The following ZNF462 variants were observed in gnomAD, a reference collection of about 807,000 sequenced individuals.
The protein encoded by ZNF462 is zinc finger PBX1-interacting protein.
Under a neutral mutation model 201.9 loss-of-function variants are expected in ZNF462, and 10 were observed. The observed-to-expected ratio is 0.05, with a 90% CI of 0.03 to 0.08. The LOEUF (loss-of-function observed/expected upper bound fraction) is 0.08. ZNF462 is among the 10% of genes least tolerant of loss of function. ZNF462 has a pLI of 1.00. For missense variants in ZNF462, 2,523 were observed against 3,168.3 expected (o/e 0.80, Z 4.89); for synonymous variants, 1,227 against 1,193.3 (o/e 1.03, Z -0.58).
Position 106,920,624 on chromosome 9 carries a change from G to A in ZNF462, c.-30-2730G>A, listed in dbSNP as rs757249916. On this transcript the variant is annotated intron_variant, in intron 1 of 12. Coordinates refer to ENST00000277225, the MANE Select transcript of ZNF462 (RefSeq NM_021224.6). The surrounding 1 kb of genome is among the most constrained non-coding windows in gnomAD (Gnocchi z 4.3). ...CATCATCTCTTCTTTTTCCAAATCA[G>A]TGACTCTTTTTCTGATCTCATAACC... Among the ~76,000 whole-genome samples, 7 of 152,170 alleles carry A rather than the reference G, an allele frequency of 4.6e-5. No homozygotes were observed. The highest frequency in any genetic ancestry group is 8.8e-5 in the Non-Finnish European group (6 of 68,034).
chr9:106,982,210 G>A (rs578240042), intron 9 of ZNF462, among the ~76,000 whole-genome samples: 2 of 152,312 alleles, frequency 1.3e-5, no homozygotes, highest in African/African-American at 4.8e-5. Flanking sequence ...GCTTAGAGCA[G>A]TGATTCTCAG....
Position 107,005,286 on chromosome 9 carries a change from C to G in ZNF462, c.7189+1860C>G, listed in dbSNP as rs998492130. On this transcript the variant is annotated intron_variant, in intron 11 of 12. Coordinates refer to ENST00000277225, the MANE Select transcript of ZNF462 (RefSeq NM_021224.6). This position sits in a 1 kb window ranked among gnomAD's most constrained non-coding sequence, Gnocchi z 4.4. ...CTACTTTTAACTGATTGAGGAACCT[C>G]CATGCTGTTTCCATAACGGGTGTAC... is the stretch of plus-strand genomic sequence containing the variant. 2.0e-5 allele frequency among the ~76,000 whole-genome samples: 3 copies of G among 152,160 alleles called. No homozygotes were observed. The highest frequency in any genetic ancestry group is 2.9e-5 in the Non-Finnish European group (2 of 68,028).
At chr9:106,869,704 G>T (rs1354235093) in intron 1 of ZNF462, among the ~76,000 whole-genome samples, 2 of 152,176 alleles carry the variant, frequency 1.3e-5, no homozygotes, top group Non-Finnish European at 2.9e-5. Context: ...GAAGAACTGG[G>T]AGAACAGGAA....
chr9:106,889,337 G>T (rs1393595399), intron 1 of ZNF462, among the ~76,000 whole-genome samples: 2 of 152,206 alleles, frequency 1.3e-5, no homozygotes, highest in African/African-American at 4.8e-5. Flanking sequence ...TCAGAGGGTT[G>T]TGATCGTTAA....
Position 106,932,557 on chromosome 9 carries a change from C to T in ZNF462, c.6116+8C>T. ...TTCTGCTTTCAGGCACAAGTAAGTG[C>T]TATTGGGGGGTCACTAGTGGTTACT... On this transcript the variant is annotated splice_region_variant and intron_variant, in intron 5 of 12. Coordinates refer to ENST00000277225, the MANE Select transcript of ZNF462 (RefSeq NM_021224.6). The surrounding 1 kb of genome is among the most constrained non-coding windows in gnomAD (Gnocchi z 6.8). 4.3e-6 allele frequency: 7 copies of T among 1,614,168 alleles called. No individual in the cohort carries two copies. The highest frequency in any genetic ancestry group is 5.9e-6 in the Non-Finnish European group (7 of 1,180,032).
In ZNF462 at chr9:106,929,162, G is replaced by A. The variant is rs1368285777; in HGVS notation, c.5250G>A (p.Lys1750=). The part of the protein sequence containing the change: ...PNKVIIPSPP[K]DDSPQLSEEL... Reference sequence around the variant, plus strand: ...AAGTGATCATCCCATCCCCGCCCAAGGACGACTCCCCTCAGCTGAGCGAGG... The same window carrying A: ...AAGTGATCATCCCATCCCCGCCCAAAGACGACTCCCCTCAGCTGAGCGAGG... Residue 1750 remains lysine, a synonymous_variant, in exon 3 of 13, where the codon AAG becomes AAA. Transcript: ENST00000277225. The surrounding 1 kb of genome is among the most constrained non-coding windows in gnomAD (Gnocchi z 8.7). 6.2e-7 allele frequency: 1 copy of A among 1,614,102 alleles called. No individual in the cohort carries two copies. The highest frequency in any genetic ancestry group is 8.5e-7 in the Non-Finnish European group (1 of 1,180,006).
chr9:106,985,206 C>A (rs925923553), intron 10 of ZNF462, among the ~76,000 whole-genome samples: 2 of 152,182 alleles, frequency 1.3e-5, no homozygotes, highest in Non-Finnish European at 2.9e-5. Flanking sequence ...CAGTTGCCAA[C>A]CCCTGTTCTG....
intron 7 of ZNF462, among the ~76,000 whole-genome samples, chr9:106,945,273 T>C (rs946645442): frequency 1.3e-5 from 2 of 152,210 alleles, no homozygotes; most frequent in Non-Finnish European, 2.9e-5. Context: ...AGGAAACCCT[T>C]CTCTAAGAAT....
chr9:106,887,751 C>T (rs1285139201), intron 1 of ZNF462, among the ~76,000 whole-genome samples: 1 of 152,096 alleles, frequency 6.6e-6, no homozygotes, highest in Non-Finnish European at 1.5e-5. Context: ...TGCGTTGCAA[C>T]ATACTAGAAT....
rs1184069469 is a variant in ZNF462, at chr9:106,927,418, C to A, written c.3506C>A (p.Pro1169Gln). 1 of 1,614,080 alleles carries A rather than the reference C, an allele frequency of 6.2e-7. No homozygotes were observed. The highest frequency in any genetic ancestry group is 1.7e-5 in the Admixed American group (1 of 60,010). ...GAAGGGCCCCAAGGCTCCCCCCGGC[C>A]ACCCGCCCCCATACAACAGCTGAAC... is the stretch of plus-strand genomic sequence containing the variant. ...GVEGPQGSPR[P>Q]PAPIQQLNRS... Residue 1169 changes from proline (P) to glutamine (Q), a missense_variant, in exon 3 of 13, where the codon CCA becomes CAA. Pro to Gln is a moderately conservative substitution (Grantham distance 76). Transcript: ENST00000277225.
In ZNF462 at chr9:106,876,711, A is replaced by G. The variant is rs533764884; in HGVS notation, c.-31+13356A>G. Among the ~76,000 whole-genome samples the G allele has an allele frequency of 2.6e-5, 4 of 152,318 alleles. No homozygotes were observed. The East Asian group carries it at 7.7e-4, about 29-fold the overall frequency. Reference sequence around the variant, plus strand: ...ATTCCCTGGAGTGTTGTAGGGGAACAATTTTTAATAAACATGAAGTTTTCT... The same window carrying G: ...ATTCCCTGGAGTGTTGTAGGGGAACGATTTTTAATAAACATGAAGTTTTCT... On this transcript the variant is annotated intron_variant, in intron 1 of 12. Coordinates refer to ENST00000277225, the MANE Select transcript of ZNF462 (RefSeq NM_021224.6). The surrounding 1 kb of genome is among the most constrained non-coding windows in gnomAD (Gnocchi z 4.9).
intron 7 of ZNF462, among the ~76,000 whole-genome samples, chr9:106,948,436 T>G (rs1201047319): frequency 6.6e-6 from 1 of 152,210 alleles, no homozygotes; most frequent in Non-Finnish European, 1.5e-5. Flanking sequence ...TCATGGGTAG[T>G]AGTCACCTTC....
At chr9:106,934,658 CATT>C (rs1338057330) in intron 5 of ZNF462, among the ~76,000 whole-genome samples, 1 of 152,156 alleles carries the variant, frequency 6.6e-6, no homozygotes. Flanking sequence ...CTCAGGACAG[CATT>C]ATATGTTGAA....
intron 1 of ZNF462, among the ~76,000 whole-genome samples, chr9:106,892,241 C>T (rs1159147818): frequency 6.6e-6 from 1 of 152,112 alleles, no homozygotes; most frequent in Non-Finnish European, 1.5e-5. Context: ...GGAATGTTCC[C>T]TCTGAGGTCC....
rs1266812061 is a variant in ZNF462 at position 107,005,153 on chromosome 9, A to G, written c.7189+1727A>G. 6.6e-6 allele frequency among the ~76,000 whole-genome samples: 1 copy of G among 152,098 alleles called. No homozygotes were observed. Among genetic ancestry groups the G allele is most frequent in the East Asian group, 1.9e-4 (1 of 5,194 alleles). ...AGCTTGATTACTTATCTTGGTTATTATGAATAACCCTGCAGTGAACGTGAG... is the reference window on the plus strand; with the variant it reads ...AGCTTGATTACTTATCTTGGTTATTGTGAATAACCCTGCAGTGAACGTGAG... On this transcript the variant is annotated intron_variant, in intron 11 of 12. Transcript: ENST00000277225. The surrounding 1 kb of genome is among the most constrained non-coding windows in gnomAD (Gnocchi z 4.4).
Position 106,870,660 on chromosome 9 carries a change from A to G in ZNF462, c.-31+7305A>G, listed in dbSNP as rs941976023. 3.3e-5 allele frequency among the ~76,000 whole-genome samples: 5 copies of G among 152,224 alleles called. No homozygotes were observed. The highest frequency in any genetic ancestry group is 5.9e-5 in the Non-Finnish European group (4 of 68,040). On this transcript the variant is annotated intron_variant, in intron 1 of 12. Transcript: ENST00000277225. This position sits in a 1 kb window ranked among gnomAD's most constrained non-coding sequence, Gnocchi z 4.3. ...TGATTAGAATGTTTTAGGATCACTT[A>G]GTAGGAAATTAAGCATTTGCCCAAG...
At chr9:106,948,254 C>A (rs1831192790) in intron 7 of ZNF462, among the ~76,000 whole-genome samples, 1 of 152,122 alleles carries the variant, frequency 6.6e-6, no homozygotes. Context: ...AGCCAGACGA[C>A]AGGAGTACTT....
In ZNF462 at chr9:106,925,574, A is replaced by G. The variant is rs755449347; in HGVS notation, c.1662A>G (p.Pro554=). 5 of 1,611,964 alleles carry G rather than the reference A, an allele frequency of 3.1e-6. No individual in the cohort carries two copies. The highest frequency in any genetic ancestry group is 2.7e-5 in the African/African-American group (2 of 74,882). The part of the protein sequence containing the change: ...QPPPPPPPPP[P]SQPQPLQQPQ... ...CACCACCGCCGCCGCCACCACCACC[A>G]TCACAGCCACAGCCACTGCAGCAGC... The change falls in exon 3 of 13, where the codon CCA becomes CCG. Residue 554 remains proline, a synonymous_variant. Transcript: ENST00000277225. This position sits in a 1 kb window ranked among gnomAD's most constrained non-coding sequence, Gnocchi z 7.9.
intron 7 of ZNF462, among the ~76,000 whole-genome samples, chr9:106,952,275 A>T (rs1399912367): frequency 2.6e-5 from 4 of 152,172 alleles, no homozygotes; most frequent in Non-Finnish European, 2.9e-5. Flanking sequence ...AATGATGCCG[A>T]CTTTATGGGG....
Sources: allele counts gnomAD v4.1 joint callset (sites outside exome capture counted in the v4.1 genomes callset), GRCh38; gene constraint gnomAD v4.1.1; non-coding constraint Gnocchi (gnomAD v3.1); transcripts MANE v1.5; gene names NCBI Gene and HGNC (gene_info 2026-07-23, HGNC 2026-07-21).